KCNIP4: variants seen among roughly 807,000 people sequenced by gnomAD.
The protein encoded by KCNIP4 is potassium voltage-gated channel interacting protein 4.
Under a neutral mutation model 34.0 loss-of-function variants are expected in KCNIP4, and 12 were observed. The ratio of observed to expected loss-of-function variants is 0.35; its 90% CI spans 0.23 to 0.57. The LOEUF is 0.57. Among genes scored for constraint, KCNIP4 ranks in the 20% least tolerant of loss-of-function variants. KCNIP4 has a pLI of 0.83. For synonymous variants in KCNIP4, 124 were observed against 102.2 expected, an observed-to-expected ratio of 1.21 and a Z score of -1.29; for missense variants, 238 against 311.7, an observed-to-expected ratio of 0.76 and a Z score of 1.78.
At chr4:21,449,973 G>A (rs1409506378) in intron 1 of KCNIP4, among the ~76,000 whole-genome samples, 1 of 151,904 alleles carries the variant, frequency 6.6e-6, no homozygotes, top group Non-Finnish European at 1.5e-5. Context: ...TTACTCATTA[G>A]CCCCAGGATC....
chr4:21,681,121 G>A (rs1750307169), intron 1 of KCNIP4, among the ~76,000 whole-genome samples: 2 of 151,906 alleles, frequency 1.3e-5, no homozygotes, highest in South Asian at 4.2e-4. Flanking sequence ...TGTCACCCAG[G>A]TGGGGTGCAG....
intron 1 of KCNIP4, among the ~76,000 whole-genome samples, chr4:21,343,563 TAA>T (rs936825442): frequency 2.6e-5 from 4 of 152,106 alleles, no homozygotes; most frequent in African/African-American, 9.7e-5. Context: ...ACCCATAGAA[TAA>T]AAATGCTGCT....
chr4:21,391,640 C>T (rs935983250), intron 1 of KCNIP4, among the ~76,000 whole-genome samples: 7 of 152,130 alleles, frequency 4.6e-5, no homozygotes, highest in Admixed American at 2.6e-4. Context: ...ATTCCCTAAC[C>T]CTGTACATCA....
chr4:21,057,890 T>C (rs981034934), intron 1 of KCNIP4, among the ~76,000 whole-genome samples: 2 of 152,152 alleles, frequency 1.3e-5, no homozygotes, highest in African/African-American at 4.8e-5. Flanking sequence ...CTTTATCTCA[T>C]TCAACAGCAT....
At position 21,773,753 on chromosome 4, in the gene KCNIP4, T is replaced by A. The variant is rs6817035; in HGVS notation, c.61+174818A>T. ...CCCTGTTTTTTTTTGTTGTTTTTTT[T>A]TTTTTGTTTGTTTGTTTTTGTTTTG... On this transcript the variant is annotated intron_variant, in intron 1 of 8. Coordinates refer to ENST00000382152, the MANE Select transcript of KCNIP4 (RefSeq NM_025221.6). 5.9e-4 allele frequency among the ~76,000 whole-genome samples: 32 copies of A among 53,918 alleles called. 1 individual carries two copies. Among genetic ancestry groups the A allele is most frequent in the South Asian group, 5.6e-3 (16 of 2,858 alleles). The allele number at this position is 53,918 out of a possible 152,430, so 35.4% of individuals were successfully genotyped here. A position where few individuals can be genotyped will look rare whatever the true frequency, so the allele number is the denominator to read the frequency against.
rs561742604 is a variant in KCNIP4, at chr4:21,101,861, A to C, written c.62-219152T>G. Among the ~76,000 whole-genome samples the C allele has an allele frequency of 2.0e-5, 3 of 152,356 alleles. No individual in the cohort carries two copies. The East Asian group carries it at 5.8e-4, about 29-fold the overall frequency. Reference sequence around the variant, plus strand: ...CAGAGGGAACAGGTCTTAAACATAGAAACTATGATTTAAGTGTATGCTGAT... The same window carrying C: ...CAGAGGGAACAGGTCTTAAACATAGCAACTATGATTTAAGTGTATGCTGAT... On this transcript the variant is annotated intron_variant, in intron 1 of 8. Transcript: ENST00000382152.
intron 1 of KCNIP4, among the ~76,000 whole-genome samples, chr4:21,831,638 G>A (rs1553935870): frequency 1.6e-5 from 1 of 60,676 alleles, no homozygotes; most frequent in Non-Finnish European, 3.0e-5. Flanking sequence ...TAAGAAGATT[G>A]AATCAGCAAT....
chr4:21,555,663 C>A (rs1738950573), intron 1 of KCNIP4, among the ~76,000 whole-genome samples: 1 of 152,060 alleles, frequency 6.6e-6, no homozygotes, highest in Non-Finnish European at 1.5e-5. Flanking sequence ...AAAACATATG[C>A]TCAAATACTG....
In KCNIP4 at chr4:21,490,008, G is replaced by A. The variant is rs9996581; in HGVS notation, c.61+458563C>T. Among the ~76,000 whole-genome samples the A allele has an allele frequency of 0.011, 1,737 of 152,216 alleles. 69 individuals are homozygous for A. In the East Asian group the frequency reaches 0.12, roughly 10 times the overall value. On this transcript the variant is annotated intron_variant, in intron 1 of 8. Coordinates refer to ENST00000382152, the MANE Select transcript of KCNIP4 (RefSeq NM_025221.6). ...AATTTACTTTTTGCATAATGCTACA[G>A]AAGAATTTTGAGAACAAAGGATATG...
chr4:21,650,889 C>T (rs562977639), intron 1 of KCNIP4, among the ~76,000 whole-genome samples: 1 of 152,210 alleles, frequency 6.6e-6, no homozygotes, highest in African/African-American at 2.4e-5. Context: ...GACAAGATGC[C>T]TATTCTTTGC....
chr4:21,753,999 G>A (rs959547139), intron 1 of KCNIP4, among the ~76,000 whole-genome samples: 1 of 152,126 alleles, frequency 6.6e-6, no homozygotes, highest in Non-Finnish European at 1.5e-5. Flanking sequence ...AACAGGCATT[G>A]TGCATGCTTG....
At chr4:21,391,258 A>G (rs1195357807) in intron 1 of KCNIP4, among the ~76,000 whole-genome samples, 3 of 152,204 alleles carry the variant, frequency 2.0e-5, no homozygotes, top group Non-Finnish European at 4.4e-5. Flanking sequence ...AACATGTAAA[A>G]AGTAATCCTT....
intron 1 of KCNIP4, among the ~76,000 whole-genome samples, chr4:21,369,412 G>A (rs1331483222): frequency 6.8e-6 from 1 of 146,978 alleles, no homozygotes; most frequent in Non-Finnish European, 1.5e-5. Context: ...TTCTACCATC[G>A]TTTAGGGATA....
At chr4:21,677,196 G>A (rs1260795540) in intron 1 of KCNIP4, among the ~76,000 whole-genome samples, 2 of 152,182 alleles carry the variant, frequency 1.3e-5, no homozygotes, top group Admixed American at 1.3e-4. Context: ...ATTACTGACA[G>A]TCTTCTTTTG....
intron 3 of KCNIP4, among the ~76,000 whole-genome samples, chr4:20,847,886 G>C (rs547198799): frequency 2.0e-5 from 3 of 152,224 alleles, no homozygotes; most frequent in African/African-American, 7.2e-5. Context: ...TATCCCAACT[G>C]TTTCCAGGGA....
At chr4:21,262,388 T>C (rs1665318590) in intron 1 of KCNIP4, among the ~76,000 whole-genome samples, 1 of 152,170 alleles carries the variant, frequency 6.6e-6, no homozygotes, top group Non-Finnish European at 1.5e-5. Context: ...GCTTCCAGAA[T>C]GCCTTTGACT....
At chr4:21,266,096 C>T (rs976753465) in intron 1 of KCNIP4, among the ~76,000 whole-genome samples, 1 of 152,166 alleles carries the variant, frequency 6.6e-6, no homozygotes, top group Non-Finnish European at 1.5e-5. Flanking sequence ...GATTTAGATA[C>T]TCACTTAAAT....
intron 2 of KCNIP4, among the ~76,000 whole-genome samples, chr4:20,881,519 A>T (rs1724679576): frequency 6.6e-6 from 1 of 152,224 alleles, no homozygotes; most frequent in African/African-American, 2.4e-5. Flanking sequence ...TGCTTGAAAA[A>T]AATTGTGTAT....
At chr4:21,466,955 T>A (rs1387780649) in intron 1 of KCNIP4, among the ~76,000 whole-genome samples, 2 of 151,990 alleles carry the variant, frequency 1.3e-5, no homozygotes, top group African/African-American at 4.8e-5. Context: ...AACAAACTCC[T>A]TACCCTGATC....
Sources: allele counts gnomAD v4.1 joint callset (sites outside exome capture counted in the v4.1 genomes callset), GRCh38; gene constraint gnomAD v4.1.1; transcripts MANE v1.5; gene names NCBI Gene and HGNC (gene_info 2026-07-23, HGNC 2026-07-21).